MTSS1: variants seen among roughly 807,000 people sequenced by gnomAD.
MTSS1 encodes the protein protein MTSS 1.
In MTSS1, 18 loss-of-function variants were observed where a neutral mutation model predicts 79.0. That is an observed-to-expected ratio of 0.23 (90% CI 0.16 to 0.34). The LOEUF is 0.34. MTSS1 is among the 10% of genes least tolerant of loss of function. The probability of loss-of-function intolerance (pLI) is 1.00; values close to 1 mark genes in which losing one functional copy is unlikely to be tolerated. For synonymous variants in MTSS1, 341 were observed against 368.6 expected, an observed-to-expected ratio of 0.93 and a Z score of 0.86; for missense variants, 815 against 986.2, an observed-to-expected ratio of 0.83 and a Z score of 2.33.
chr8:124,619,461 T>C, intron 3 of MTSS1: 1 of 152,546 alleles, frequency 6.6e-6, no homozygotes, highest in Non-Finnish European at 1.5e-5. Flanking sequence ...CTTTACTTTT[T>C]GTCTCCTCTG....
chr8:124,670,571 A>G (rs750363569), intron 3 of MTSS1, among the ~76,000 whole-genome samples: 11 of 152,246 alleles, frequency 7.2e-5, no homozygotes, highest in Non-Finnish European at 1.6e-4. Context: ...TGATACACTT[A>G]GGATTGATCA....
intron 3 of MTSS1, among the ~76,000 whole-genome samples, chr8:124,605,544 A>G (rs138740419): frequency 0.01 from 1,393 of 132,700 alleles, 27 homozygotes; most frequent in African/African-American, 0.035. Context: ...CAGCCCTCGC[A>G]CTGCCTCCCT....
At chr8:124,724,787 A>G (rs1323500924) in intron 1 of MTSS1, among the ~76,000 whole-genome samples, 1 of 152,130 alleles carries the variant, frequency 6.6e-6, no homozygotes, top group African/African-American at 2.4e-5. Context: ...GAGCTTGGAT[A>G]GAAACTCCAA....
intron 3 of MTSS1, among the ~76,000 whole-genome samples, chr8:124,630,046 C>A (rs1281297538): frequency 6.6e-6 from 1 of 152,230 alleles, no homozygotes; most frequent in African/African-American, 2.4e-5. Context: ...TGAAATACTT[C>A]ACCTGCTCCA....
At chr8:124,694,208 GC>G (rs1388462420) in intron 3 of MTSS1, among the ~76,000 whole-genome samples, 1 of 152,030 alleles carries the variant, frequency 6.6e-6, no homozygotes, top group Non-Finnish European at 1.5e-5. Context: ...TCAGGGACTT[GC>G]GCGGAGTACA....
At chr8:124,662,358 G>A (rs1822207379) in intron 3 of MTSS1, among the ~76,000 whole-genome samples, 1 of 152,052 alleles carries the variant, frequency 6.6e-6, no homozygotes, top group Non-Finnish European at 1.5e-5. Flanking sequence ...TGTATTCCAG[G>A]GCCCGGCACA....
At chr8:124,711,345 C>T (rs1564036757) in intron 1 of MTSS1, among the ~76,000 whole-genome samples, 1 of 152,212 alleles carries the variant, frequency 6.6e-6, no homozygotes. Flanking sequence ...GCAGCCCAGG[C>T]AGGCAGGTGC....
intron 3 of MTSS1, among the ~76,000 whole-genome samples, chr8:124,622,263 T>C (rs1388293215): frequency 6.6e-6 from 1 of 152,012 alleles, no homozygotes; most frequent in Non-Finnish European, 1.5e-5. Context: ...GAATATATTT[T>C]TTTAAGTAGA....
chr8:124,568,691 G>C lies in MTSS1; in HGVS notation c.461-155C>G, dbSNP rs541680298. On this transcript the variant is annotated intron_variant, in intron 6 of 13. Transcript: ENST00000518547. ...TGCCCCAAAAGGATTTAAGGCAGCT[G>C]TTTTTCTAGGACCAGCCATTTCCAA... 2.5e-5 allele frequency: 37 copies of C among 1,474,170 alleles called. No individual in the cohort carries two copies. In the African/African-American group the frequency reaches 2.8e-4, roughly 11 times the overall value. 91.3% of individuals were successfully genotyped at this position (1,474,170 alleles called of 1,614,324 possible).
At chr8:124,573,531 C>T (rs1322206909) in intron 6 of MTSS1, among the ~76,000 whole-genome samples, 1 of 152,268 alleles carries the variant, frequency 6.6e-6, no homozygotes, top group Non-Finnish European at 1.5e-5. Context: ...TGTATCTCCT[C>T]AGTCAGCACA....
At chr8:124,555,720 C>G in intron 13 of MTSS1, 22 bp downstream of exon 13, 13 of 1,577,908 alleles carry the variant, frequency 8.2e-6, no homozygotes, top group Non-Finnish European at 1.1e-5. Context: ...AGCCTAAGTG[C>G]ACACCCCAGG....
rs981543420 is a variant in MTSS1, at chr8:124,553,093, T to C, written c.2167A>G (p.Arg723Gly). 2 of 1,614,014 alleles carry C rather than the reference T, an allele frequency of 1.2e-6. No individual in the cohort carries two copies. The highest frequency in any genetic ancestry group is 1.3e-5 in the African/African-American group (1 of 74,900). The change falls in exon 14 of 14, where the codon AGG (arginine) becomes GGG (glycine). Residue 723 changes from arginine to glycine, a missense_variant. Physicochemically the swap from Arg to Gly is moderately radical, Grantham distance 125 (BLOSUM62 -2). Around this residue, in one of 2 missense-constraint regions of MTSS1, gnomAD observed 590 missense variants for 620.8 expected, o/e 0.95. Coordinates refer to ENST00000518547, the MANE Select transcript of MTSS1 (RefSeq NM_014751.6). The surrounding 1 kb of genome is among the most constrained non-coding windows in gnomAD (Gnocchi z 6.0). ...ATGTCTTCTCCTTGTGGAGTATCCC[T>C]TGGGCTCAGGTCTGCAGGGTCACTC... The part of the protein sequence containing the change: ...PESDPADLSP[R>G]DTPQGEDMLN...
In MTSS1 at chr8:124,686,333, CA is replaced by C. The variant is rs934313113; in HGVS notation, c.208+13192del. Among the ~76,000 whole-genome samples the C allele has an allele frequency of 1.5e-3, 215 of 143,720 alleles. 1 individual carries two copies. Among genetic ancestry groups the C allele is most frequent in the East Asian group, 5.3e-3 (27 of 5,050 alleles). 94.3% of individuals were successfully genotyped at this position (143,720 alleles called of 152,430 possible). On this transcript the variant is annotated intron_variant, in intron 3 of 13. Transcript: ENST00000518547. Reference sequence around the variant, plus strand: ...CTCATTTGACTTAATCTTCTGAAAACAAAAAAAAAAACTTGCATATTTTCAC... The same window carrying C: ...CTCATTTGACTTAATCTTCTGAAAACAAAAAAAAAACTTGCATATTTTCAC...
chr8:124,692,873 GCCAGATA>G (rs147183471), intron 3 of MTSS1, among the ~76,000 whole-genome samples: 43 of 152,206 alleles, frequency 2.8e-4, no homozygotes, highest in African/African-American at 1.0e-3. Context: ...CCTGCTGAAG[GCCAGATA>G]CTCAGCATCT....
In MTSS1 at chr8:124,704,030, T is replaced by C. The variant is rs186206488; in HGVS notation, c.134+100A>G. ...GCACAGGCTTCCCTATCTGCAGCACTTCCTGAATCAACCCTAATCAATCTG... is the reference window on the plus strand; with the variant it reads ...GCACAGGCTTCCCTATCTGCAGCACCTCCTGAATCAACCCTAATCAATCTG... On this transcript the variant is annotated intron_variant, in intron 2 of 13. Transcript: ENST00000518547. The C allele has an allele frequency of 1.1e-5, 12 of 1,060,840 alleles. No homozygotes were observed. The East Asian group carries it at 2.6e-4, about 23-fold the overall frequency. 65.7% of individuals were successfully genotyped at this position (1,060,840 alleles called of 1,614,324 possible).
intron 3 of MTSS1, among the ~76,000 whole-genome samples, chr8:124,650,764 G>C (rs1819815691): frequency 6.6e-6 from 1 of 152,286 alleles, no homozygotes; most frequent in Middle Eastern, 3.4e-3. Context: ...GGCAAGCAAG[G>C]ATCGGAGCTA....
At chr8:124,571,574 G>A (rs1314342887) in intron 6 of MTSS1, among the ~76,000 whole-genome samples, 2 of 152,138 alleles carry the variant, frequency 1.3e-5, no homozygotes, top group Non-Finnish European at 2.9e-5. Flanking sequence ...CTCTCGTGTA[G>A]GATGGTGAAC....
chr8:124,725,191 C>A (rs527616979), intron 1 of MTSS1, among the ~76,000 whole-genome samples: 1 of 152,246 alleles, frequency 6.6e-6, no homozygotes, highest in South Asian at 2.1e-4. Context: ...TTCTTCCACA[C>A]CTTACTGCCT....
chr8:124,553,360 G>A lies in MTSS1; in HGVS notation c.1900C>T (p.Pro634Ser), dbSNP rs751555559. Residue 634 changes from proline (P) to serine (S), a missense_variant, in exon 14 of 14, where the codon CCA (proline) becomes TCA (serine). Physicochemically the swap from Pro to Ser is moderately conservative, Grantham distance 74 (BLOSUM62 -1). Coordinates refer to ENST00000518547, the MANE Select transcript of MTSS1 (RefSeq NM_014751.6). This position sits in a 1 kb window ranked among gnomAD's most constrained non-coding sequence, Gnocchi z 6.0. ...PDLPGVLPAP[P>S]DGPEERGEHS... is the part of the protein sequence containing the mutation. ...TCCCCCCGCTCTTCTGGCCCATCTG[G>A]AGGGGCTGGCAACACCCCTGGGAGG... 2 of 1,612,312 alleles carry A rather than the reference G, an allele frequency of 1.2e-6. No homozygotes were observed. The highest frequency in any genetic ancestry group is 3.3e-5 in the Admixed American group (2 of 59,972).
Sources: gnomAD v4.1 joint callset for allele counts (sites outside exome capture counted in the v4.1 genomes callset) on GRCh38, gnomAD v4.1.1 for gene constraint, gnomAD v4.1.1 regional missense constraint, Gnocchi (gnomAD v3.1) non-coding constraint, MANE v1.5 for transcripts, NCBI Gene and HGNC (gene_info 2026-07-23, HGNC 2026-07-21) for gene names.